The following XDH variants were observed in gnomAD, a reference collection of about 807,000 sequenced individuals.
XDH encodes the protein xanthine dehydrogenase, also known as xanthine dehydrogenase/oxidase.
In XDH, 138 loss-of-function variants were observed where a neutral mutation model predicts 156.1. The observed-to-expected ratio is 0.88, with a 90% CI of 0.77 to 1.02. The LOEUF (loss-of-function observed/expected upper bound fraction) is 1.02, where lower values mean the gene tolerates loss of function less well. Among genes scored for constraint, XDH ranks in the 50% least tolerant of loss-of-function variants. The pLI is 0.00. For missense variants in XDH, 1,849 were observed against 1,684.9 expected, an observed-to-expected ratio of 1.10 and a Z score of -1.71; for synonymous variants, 669 against 625.7, an observed-to-expected ratio of 1.07 and a Z score of -1.03.
In XDH at chr2:31,337,698, G is replaced by C; in HGVS notation, c.3894C>G (p.Asp1298Glu). The C allele has an allele frequency of 2.5e-6, 4 of 1,614,236 alleles. No individual in the cohort carries two copies. Among genetic ancestry groups the C allele is most frequent in the Admixed American group, 1.7e-5 (1 of 60,020 alleles). The change falls in exon 35 of 36, where the codon GAC (aspartate) becomes GAG (glutamate). Residue 1298 changes from aspartate to glutamate, a missense_variant. Asp to Glu is a conservative substitution (Grantham distance 45). Coordinates refer to ENST00000379416, the MANE Select transcript of XDH (RefSeq NM_000379.4). ...GNNVKELFRL[D>E]SPATPEKIRN... Reference sequence around the variant, plus strand: ...GGATCTTCTCCGGGGTGGCAGGGCTGTCTAGCCGGAAGAGTTCCTTCACGT... The same window carrying C: ...GGATCTTCTCCGGGGTGGCAGGGCTCTCTAGCCGGAAGAGTTCCTTCACGT...
At chr2:31,378,171 GAAGGAAGCAAGC>G (rs1205981503) in intron 13 of XDH, among the ~76,000 whole-genome samples, 1,934 of 82,586 alleles carry the variant, frequency 0.023, 129 homozygotes, top group African/African-American at 0.064. Context: ...AGGAAGGAAG[GAAGGAAGCAAGC>G]AAGCAAGCAA....
chr2:31,365,777 G>T (rs1486787550), intron 22 of XDH, among the ~76,000 whole-genome samples, 199 bp downstream of exon 22: 2 of 152,194 alleles, frequency 1.3e-5, no homozygotes, highest in Non-Finnish European at 2.9e-5. Context: ...ATCAGAGGTG[G>T]ATACCTGTGC....
At chr2:31,371,233 G>A (rs1034066608) in intron 17 of XDH, among the ~76,000 whole-genome samples, 2 of 152,324 alleles carry the variant, frequency 1.3e-5, no homozygotes, top group South Asian at 4.1e-4. Context: ...ACACATTTCA[G>A]GGAAAGGTAT....
chr2:31,358,695 C>T (rs1419659038), intron 24 of XDH, among the ~76,000 whole-genome samples: 1 of 152,000 alleles, frequency 6.6e-6, no homozygotes, highest in Non-Finnish European at 1.5e-5. Flanking sequence ...AAGCATTTGA[C>T]AAAATTCAAC....
intron 21 of XDH, 148 bp from the exon 22 acceptor site, chr2:31,366,257 T>G: frequency 4.2e-6 from 6 of 1,428,936 alleles, no homozygotes; most frequent in South Asian, 1.2e-5. Flanking sequence ...GCTTTGTGGT[T>G]AGTGATGCTG....
Position 31,364,418 on chromosome 2 carries a change from A to G in XDH, c.2545-174T>C, listed in dbSNP as rs576147715. On this transcript the variant is annotated intron_variant, in intron 23 of 35. Coordinates refer to ENST00000379416, the MANE Select transcript of XDH (RefSeq NM_000379.4). ...GTCACCAGAAGGTAACAAGTGAAGA[A>G]GAGAGGAACTGACCTCTCCCCAGTG... Among the ~76,000 whole-genome samples, 7 of 152,228 alleles carry G rather than the reference A, an allele frequency of 4.6e-5. No individual in the cohort carries two copies. The South Asian group carries it at 1.5e-3, about 32-fold the overall frequency.
intron 1 of XDH, among the ~76,000 whole-genome samples, chr2:31,408,442 G>A (rs1010862508): frequency 6.6e-6 from 1 of 152,228 alleles, no homozygotes; most frequent in African/African-American, 2.4e-5. Flanking sequence ...AAAACATTTT[G>A]TAGGGAAGTG....
chr2:31,341,345 GCAGGGTTTAGACTGGAGC>G lies in XDH; in HGVS notation c.3551_3568del (p.Gly1184_Pro1189del). 1 of 1,575,864 alleles carries G rather than the reference GCAGGGTTTAGACTGGAGC, an allele frequency of 6.3e-7. No individual in the cohort carries two copies. The highest frequency in any genetic ancestry group is 8.6e-7 in the Non-Finnish European group (1 of 1,157,890). On this transcript the variant is annotated inframe_deletion, in exon 33 of 36. Coordinates refer to ENST00000379416, the MANE Select transcript of XDH (RefSeq NM_000379.4). ...GAGCCTCACCTGTCCAATATCAATG[GCAGGGTTTAGACTGGAGC>G]CAACATCCATGACAATATCTGTGCG...
chr2:31,392,807 C>A (rs1281380532), intron 6 of XDH, among the ~76,000 whole-genome samples: 5 of 152,202 alleles, frequency 3.3e-5, no homozygotes, highest in Non-Finnish European at 5.9e-5. Flanking sequence ...CTGCATCTTG[C>A]AAATTTTGAT....
intron 9 of XDH, 76 bp from the exon 10 acceptor site, chr2:31,383,923 C>T (rs1269338741): frequency 8.9e-6 from 11 of 1,239,254 alleles, no homozygotes; most frequent in Non-Finnish European, 1.3e-5. Context: ...CTTTTCTCAC[C>T]ATTACACACA....
chr2:31,386,006 T>C (rs1686581228), intron 9 of XDH, among the ~76,000 whole-genome samples: 1 of 152,264 alleles, frequency 6.6e-6, no homozygotes, highest in Admixed American at 6.5e-5. Context: ...TTGAGCTTTG[T>C]ATCCCAAGCC....
Position 31,334,456 on chromosome 2 carries a change from G to C in XDH, c.*1502C>G, listed in dbSNP as rs1010442019. 4.6e-5 allele frequency: 7 copies of C among 152,166 alleles called. No homozygotes were observed. Among genetic ancestry groups the C allele is most frequent in the African/African-American group, 1.7e-4 (7 of 41,434 alleles). The allele number at this position is 152,166 out of a possible 1,614,324, so 9.4% of individuals were successfully genotyped here. A position where few individuals can be genotyped will look rare whatever the true frequency, so the allele number is the denominator to read the frequency against. On this transcript the variant is annotated 3_prime_UTR_variant, in exon 36 of 36. Transcript: ENST00000379416. The stretch of plus-strand genomic sequence containing the variant: ...ATTTATACAGTGAAGGCATGTGACA[G>C]TGACACATTGTCCACCCAGCACCAT...
chr2:31,350,409 G>A (rs373328273), intron 24 of XDH, among the ~76,000 whole-genome samples, 186 bp from the exon 25 acceptor site: 102 of 113,572 alleles, frequency 9.0e-4, no homozygotes, highest in African/African-American at 1.3e-3. Flanking sequence ...ATGGAGTCTC[G>A]CTCTGTCACC....
intron 17 of XDH, among the ~76,000 whole-genome samples, chr2:31,372,017 C>T (rs1312711666): frequency 6.6e-6 from 1 of 152,242 alleles, no homozygotes; most frequent in Non-Finnish European, 1.5e-5. Context: ...AAGTAACATA[C>T]CCTGCTTGTG....
chr2:31,383,123 T>C lies in XDH; in HGVS notation c.916A>G (p.Ser306Gly), dbSNP rs1434945716. The C allele has an allele frequency of 1.2e-6, 2 of 1,614,128 alleles. No individual in the cohort carries two copies. The highest frequency in any genetic ancestry group is 2.2e-5 in the South Asian group (2 of 91,082). ...GISFGAACPL[S>G]IVEKTLVDAV... The stretch of plus-strand genomic sequence containing the variant: ...TCCACCAGGGTTTTTTCCACAATGC[T>C]CAGGGGGCAAGCAGCTCCAAAGGAG... Residue 306 changes from serine (S) to glycine (G), a missense_variant, in exon 11 of 36, where the codon AGC becomes GGC. By Grantham distance (56) the Ser-to-Gly change is moderately conservative. Coordinates refer to ENST00000379416, the MANE Select transcript of XDH (RefSeq NM_000379.4).
chr2:31,369,150 T>C (rs1231667973), intron 18 of XDH, among the ~76,000 whole-genome samples: 1 of 152,136 alleles, frequency 6.6e-6, no homozygotes, highest in Non-Finnish European at 1.5e-5. Flanking sequence ...TTCCCAGATT[T>C]ATACCAAAAG....
chr2:31,403,060 T>C lies in XDH; in HGVS notation c.185A>G (p.Gln62Arg). 1 of 1,614,148 alleles carries C rather than the reference T, an allele frequency of 6.2e-7. No homozygotes were observed. Among genetic ancestry groups the C allele is most frequent in the Non-Finnish European group, 8.5e-7 (1 of 1,180,022 alleles). ...TVMLSKYDRL[Q>R]NKIVHFSANA... is the part of the protein sequence containing the mutation. ...AGGCAAAGGATACACGATCTTGTTC[T>C]GCAGACGATCATACTTGGAGAGCAT... Residue 62 changes from glutamine (Q) to arginine (R), a missense_variant, in exon 3 of 36, where the codon CAG becomes CGG. By Grantham distance (43) the Gln-to-Arg change is conservative. Coordinates refer to ENST00000379416, the MANE Select transcript of XDH (RefSeq NM_000379.4).
At chr2:31,343,312 A>ATATATATATATGCATGTT (rs1553411684) in intron 31 of XDH, among the ~76,000 whole-genome samples, 91 of 136,516 alleles carry the variant, frequency 6.7e-4, no homozygotes, top group African/African-American at 1.7e-3. Context: ...ATATATATAT[A>ATATATATATATGCATGTT]TATATATATA....
intron 17 of XDH, among the ~76,000 whole-genome samples, chr2:31,371,233 G>C (rs1034066608): frequency 6.6e-6 from 1 of 152,206 alleles, no homozygotes; most frequent in Non-Finnish European, 1.5e-5. Flanking sequence ...ACACATTTCA[G>C]GGAAAGGTAT....
Sources: gnomAD v4.1 joint callset for allele counts (sites outside exome capture counted in the v4.1 genomes callset) on GRCh38, gnomAD v4.1.1 for gene constraint, MANE v1.5 for transcripts, NCBI Gene and HGNC (gene_info 2026-07-23, HGNC 2026-07-21) for gene names.